FAM13A: variants seen among roughly 807,000 people sequenced by gnomAD.
The protein encoded by FAM13A is family with sequence similarity 13 member A.
Under a neutral mutation model 129.6 loss-of-function variants are expected in FAM13A, and 76 were observed. That is an observed-to-expected ratio of 0.59 (90% confidence interval 0.49 to 0.71). FAM13A has a LOEUF of 0.71. Among genes scored for constraint, FAM13A ranks in the 30% least tolerant of loss-of-function variants. The probability of loss-of-function intolerance (pLI) is 0.00; values close to 1 mark genes in which losing one functional copy is unlikely to be tolerated. For synonymous variants in FAM13A, 443 were observed against 449.9 expected, an observed-to-expected ratio of 0.98 and a Z score of 0.20; for missense variants, 1,108 against 1,249.3, an observed-to-expected ratio of 0.89 and a Z score of 1.70.
chr4:89,020,415 C>A (rs781721431), intron 3 of FAM13A, 45 bp downstream of exon 3: 2 of 1,433,588 alleles, frequency 1.4e-6, no homozygotes, highest in East Asian at 4.6e-5. Flanking sequence ...CCGTGCCCAG[C>A]CTAGTAAAGT....
intron 6 of FAM13A, among the ~76,000 whole-genome samples, chr4:88,896,889 C>G (rs960233823): frequency 6.6e-6 from 1 of 152,144 alleles, no homozygotes; most frequent in Non-Finnish European, 1.5e-5. Context: ...TTATTTTATA[C>G]CTTCATACTA....
chr4:88,868,557 C>T (rs1407601907), intron 6 of FAM13A, among the ~76,000 whole-genome samples: 3 of 152,180 alleles, frequency 2.0e-5, no homozygotes, highest in Non-Finnish European at 4.4e-5. Flanking sequence ...TAAAACTGTT[C>T]AGTGGCTTTT....
At chr4:88,915,830 G>T (rs1750025859) in intron 5 of FAM13A, among the ~76,000 whole-genome samples, 1 of 152,026 alleles carries the variant, frequency 6.6e-6, no homozygotes, top group African/African-American at 2.4e-5. Context: ...TAGATTAATG[G>T]GTTAATGAAT....
intron 1 of FAM13A, 184 bp from the exon 2 acceptor site, chr4:89,029,833 G>A (rs1768455926): frequency 1.6e-6 from 1 of 628,902 alleles, no homozygotes; most frequent in Non-Finnish European, 2.7e-6. Context: ...TGGTTAAAAG[G>A]ACTGAAAAGT....
chr4:88,883,852 T>C (rs1743992376), intron 6 of FAM13A, among the ~76,000 whole-genome samples: 1 of 151,366 alleles, frequency 6.6e-6, no homozygotes, highest in Non-Finnish European at 1.5e-5. Context: ...ACCACAGAAA[T>C]ACAAAAGATC....
intron 6 of FAM13A, among the ~76,000 whole-genome samples, chr4:88,883,583 C>G (rs1443637295): frequency 6.6e-6 from 1 of 151,974 alleles, no homozygotes; most frequent in Admixed American, 6.6e-5. Flanking sequence ...AAGAGACAAT[C>G]TAAGGTCACA....
At chr4:89,025,242 A>G (rs1448870239) in intron 2 of FAM13A, among the ~76,000 whole-genome samples, 5 of 55,454 alleles carry the variant, frequency 9.0e-5, no homozygotes, top group Non-Finnish European at 2.0e-4. Flanking sequence ...CCATGGAATC[A>G]TTGTTTTTTT....
intron 21 of FAM13A, chr4:88,736,583 T>TA (rs1383320879): frequency 6.6e-6 from 1 of 152,214 alleles, no homozygotes; most frequent in Non-Finnish European, 1.5e-5. Context: ...CACTGTTTTT[T>TA]AAAAAATGAT....
At chr4:88,953,956 C>T (rs1757341528) in intron 4 of FAM13A, among the ~76,000 whole-genome samples, 1 of 152,016 alleles carries the variant, frequency 6.6e-6, no homozygotes, top group Non-Finnish European at 1.5e-5. Context: ...GGACAAGAAA[C>T]AACAGAATAA....
intron 4 of FAM13A, among the ~76,000 whole-genome samples, chr4:88,972,583 G>T (rs972322970): frequency 6.6e-6 from 1 of 151,964 alleles, no homozygotes; most frequent in African/African-American, 2.4e-5. Flanking sequence ...TTACAGGTGT[G>T]AGCCACTGCA....
chr4:88,785,791 C>T (rs959179921), intron 10 of FAM13A, among the ~76,000 whole-genome samples: 5 of 152,102 alleles, frequency 3.3e-5, no homozygotes, highest in African/African-American at 7.2e-5. Context: ...TAAGAGAAGC[C>T]GTTCAGTGTG....
chr4:88,876,350 A>G (rs1163326451), intron 6 of FAM13A, among the ~76,000 whole-genome samples: 1 of 152,128 alleles, frequency 6.6e-6, no homozygotes, highest in African/African-American at 2.4e-5. Flanking sequence ...AAAAAAAATG[A>G]ACAGCAATGA....
Position 88,730,002 on chromosome 4 carries a change from T to TA in FAM13A, c.2945+1324dup, listed in dbSNP as rs552071837. ...GAAATGAAAAGCAAGTGTTTAGGTA[T>TA]AAAAATATATGAGACATATCCAAAT... On this transcript the variant is annotated intron_variant, in intron 23 of 23. Transcript: ENST00000264344. 589 of 152,320 alleles carry TA rather than the reference T, an allele frequency of 3.9e-3. 2 individuals carry two copies. The highest frequency in any genetic ancestry group is 0.013 in the African/African-American group (545 of 41,564). The allele number at this position is 152,320 out of a possible 1,614,324, so 9.4% of individuals were successfully genotyped here. A position where few individuals can be genotyped will look rare whatever the true frequency, so the allele number is the denominator to read the frequency against.
At chr4:89,005,293 T>C (rs551859068) in intron 3 of FAM13A, among the ~76,000 whole-genome samples, 1 of 152,286 alleles carries the variant, frequency 6.6e-6, no homozygotes, top group Admixed American at 6.5e-5. Flanking sequence ...ATATGTATTA[T>C]ATTTTCTTTA....
chr4:88,963,933 T>C (rs1273256647), intron 4 of FAM13A, among the ~76,000 whole-genome samples: 2 of 152,150 alleles, frequency 1.3e-5, no homozygotes, highest in African/African-American at 2.4e-5. Context: ...GTAAACAGTT[T>C]GGGGTACAGT....
intron 7 of FAM13A, among the ~76,000 whole-genome samples, chr4:88,848,149 C>G (rs1384235727): frequency 1.3e-5 from 2 of 152,188 alleles, no homozygotes; most frequent in Non-Finnish European, 2.9e-5. Flanking sequence ...TCTTTTCCAA[C>G]TGTTCCTCAT....
chr4:88,933,915 T>A (rs1409457904), intron 5 of FAM13A, among the ~76,000 whole-genome samples: 1 of 152,218 alleles, frequency 6.6e-6, no homozygotes, highest in African/African-American at 2.4e-5. Flanking sequence ...AAATGATCTA[T>A]GAATAGACAC....
At chr4:88,951,410 A>G (rs1156976778) in intron 4 of FAM13A, among the ~76,000 whole-genome samples, 1 of 152,092 alleles carries the variant, frequency 6.6e-6, no homozygotes, top group Non-Finnish European at 1.5e-5. Context: ...GGAAAATATC[A>G]TTTTTCCTTT....
chr4:88,974,480 A>G (rs572522501), intron 4 of FAM13A, among the ~76,000 whole-genome samples: 242 of 152,034 alleles, frequency 1.6e-3, no homozygotes, highest in African/African-American at 5.5e-3. Context: ...TTTATTTTTT[A>G]ATTTTTAATT....
Sources: gnomAD v4.1 joint callset for allele counts (sites outside exome capture counted in the v4.1 genomes callset) on GRCh38, gnomAD v4.1.1 for gene constraint, MANE v1.5 for transcripts, NCBI Gene and HGNC (gene_info 2026-07-23, HGNC 2026-07-21) for gene names.